ASB14: variants seen among roughly 807,000 people sequenced by gnomAD.
ASB14 encodes ankyrin repeat and SOCS box containing 14.
Under a neutral mutation model 55.6 loss-of-function variants are expected in ASB14, and 63 were observed. The observed-to-expected ratio is 1.13, with a 90% CI of 0.92 to 1.40. ASB14 has a LOEUF of 1.40. ASB14 is among the 40% of genes most tolerant of loss of function. The pLI, the probability that ASB14 is intolerant of heterozygous loss-of-function variation, is 0.00. For synonymous variants in ASB14, 256 were observed against 259.9 expected (o/e 0.98, Z 0.15); for missense variants, 724 against 710.4 (o/e 1.02, Z -0.22).
In ASB14 at chr3:57,285,115, A is replaced by AT. The variant is rs1421715588; in HGVS notation, c.470-1677dup. ...GCCACCAAGCTCTGCTAATTTTTGT[A>AT]TTTTTAGTAGAGACAGGGTTTCACC... On this transcript the variant is annotated intron_variant, in intron 5 of 10. Transcript: ENST00000487349. Among the ~76,000 whole-genome samples the AT allele has an allele frequency of 3.3e-5, 5 of 151,728 alleles. No homozygotes were observed. In the East Asian group the frequency reaches 9.7e-4, roughly 29 times the overall value.
chr3:57,268,457 A>C lies in ASB14; in HGVS notation c.*1184T>G. 1.2e-6 allele frequency: 2 copies of C among 1,605,264 alleles called. No individual in the cohort carries two copies. Among genetic ancestry groups the C allele is most frequent in the Non-Finnish European group, 1.7e-6 (2 of 1,175,652 alleles). Reference sequence around the variant, plus strand: ...AGAGAGTAAAAGAGAAGCAACAGAAAGAACTCAATAAACAAAAACAGATTG... The same window carrying C: ...AGAGAGTAAAAGAGAAGCAACAGAACGAACTCAATAAACAAAAACAGATTG... On this transcript the variant is annotated 3_prime_UTR_variant, in exon 11 of 11. Transcript: ENST00000487349.
chr3:57,271,446 T>C (rs1016027345), intron 10 of ASB14: 5 of 152,700 alleles, frequency 3.3e-5, no homozygotes, highest in African/African-American at 1.2e-4. Context: ...TCAGTTCTTT[T>C]GTTTTGTTAA....
chr3:57,291,148 G>A (rs1197365440), intron 2 of ASB14, among the ~76,000 whole-genome samples: 4 of 152,158 alleles, frequency 2.6e-5, no homozygotes, highest in Non-Finnish European at 4.4e-5. Context: ...TCCATGGTTT[G>A]TTACATTTTA....
At chr3:57,282,893 A>G (rs2061050264) in intron 6 of ASB14, among the ~76,000 whole-genome samples, 1 of 152,148 alleles carries the variant, frequency 6.6e-6, no homozygotes, top group Non-Finnish European at 1.5e-5. Context: ...TGATTTTATG[A>G]TTCTAGAAAA....
In ASB14 at chr3:57,278,556, C is replaced by G; in HGVS notation, c.1252G>C (p.Val418Leu). ...HGANVNYFCR[V>L]NPLHFPSALQ... The stretch of plus-strand genomic sequence containing the variant: ...GCTGATGGGAAATGTAAAGGGTTAA[C>G]TCTGCAGAAGTAATTGACATTGGCC... The change falls in exon 8 of 11, where the codon GTT becomes CTT. Residue 418 changes from valine (V) to leucine (L), a missense_variant. Transcript: ENST00000487349. 3 of 1,614,204 alleles carry G rather than the reference C, an allele frequency of 1.9e-6. No individual in the cohort carries two copies. The highest frequency in any genetic ancestry group is 2.5e-6 in the Non-Finnish European group (3 of 1,180,040).
At chr3:57,290,249 G>A (rs1381073261) in intron 2 of ASB14, among the ~76,000 whole-genome samples, 1 of 152,078 alleles carries the variant, frequency 6.6e-6, no homozygotes, top group Non-Finnish European at 1.5e-5. Context: ...GAGGCTCTTG[G>A]GGAGACTCTA....
chr3:57,282,798 A>C (rs1001723437), intron 6 of ASB14, among the ~76,000 whole-genome samples: 9 of 152,192 alleles, frequency 5.9e-5, no homozygotes, highest in African/African-American at 2.2e-4. Context: ...ATTTCCTAAC[A>C]TCTAAAGCCA....
At chr3:57,272,547 T>G (rs2060949590) in intron 10 of ASB14, 2 of 152,166 alleles carry the variant, frequency 1.3e-5, no homozygotes, top group Admixed American at 1.3e-4. Context: ...CTATTAATGC[T>G]GAGAGATCCT....
chr3:57,289,657 C>T (rs527614092), intron 2 of ASB14, among the ~76,000 whole-genome samples: 26 of 150,242 alleles, frequency 1.7e-4, no homozygotes, highest in Middle Eastern at 3.5e-3. Flanking sequence ...TATTTTAAAA[C>T]CTAGCAAATA....
chr3:57,271,758 C>A (rs944688568), intron 10 of ASB14: 1 of 152,154 alleles, frequency 6.6e-6, no homozygotes. Flanking sequence ...ACCTGTAGTT[C>A]GTTTTAAGTC....
Position 57,269,452 on chromosome 3 carries a change from A to T in ASB14, c.*189T>A. 1.4e-6 allele frequency: 2 copies of T among 1,384,290 alleles called. No homozygotes were observed. Among genetic ancestry groups the T allele is most frequent in the East Asian group, 4.6e-5 (2 of 43,012 alleles). The allele number at this position is 1,384,290 out of a possible 1,614,324, so 85.8% of individuals were successfully genotyped here. On this transcript the variant is annotated 3_prime_UTR_variant, in exon 11 of 11. Coordinates refer to ENST00000487349, the MANE Select transcript of ASB14 (RefSeq NM_001142733.3). ...TATGCATACATATTTATGACAGAAG[A>T]AGTGGCTCTCAAGAATGTATCTTAA...
At chr3:57,280,106 C>G (rs1267540325) in intron 7 of ASB14, among the ~76,000 whole-genome samples, 196 bp downstream of exon 7, 1 of 127,124 alleles carries the variant, frequency 7.9e-6, no homozygotes, top group Non-Finnish European at 1.6e-5. Flanking sequence ...TCATCTGTCA[C>G]TTGGCCAGGG....
intron 7 of ASB14, among the ~76,000 whole-genome samples, 190 bp from the exon 8 acceptor site, chr3:57,279,110 G>A (rs779623603): frequency 4.6e-5 from 7 of 151,354 alleles, no homozygotes; most frequent in East Asian, 1.9e-4. Context: ...TGGAATTACC[G>A]TCTAAGCTAT....
At chr3:57,274,226 G>A (rs535725932) in intron 10 of ASB14, among the ~76,000 whole-genome samples, 1 of 152,178 alleles carries the variant, frequency 6.6e-6, no homozygotes, top group African/African-American at 2.4e-5. Flanking sequence ...AAAGTACCAA[G>A]ACTAAACATG....
intron 10 of ASB14, chr3:57,272,343 A>G (rs2060947860): frequency 6.6e-6 from 1 of 152,168 alleles, no homozygotes; most frequent in South Asian, 2.1e-4. Context: ...TTTTTGCCAC[A>G]TCTGCAATGA....
intron 5 of ASB14, among the ~76,000 whole-genome samples, chr3:57,284,481 T>C (rs762727436): frequency 1.3e-5 from 2 of 152,202 alleles, no homozygotes; most frequent in African/African-American, 2.4e-5. Flanking sequence ...CATTGGTATA[T>C]TGAAGTCTCT....
chr3:57,273,670 TTC>T (rs2060963657), intron 10 of ASB14, among the ~76,000 whole-genome samples: 2 of 152,202 alleles, frequency 1.3e-5, no homozygotes, highest in African/African-American at 4.8e-5. Context: ...GTGACTGTTT[TTC>T]TTTTAGCAAA....
In ASB14 at chr3:57,269,446, CAGA is replaced by C; in HGVS notation, c.*192_*194del. The C allele has an allele frequency of 8.9e-7, 1 of 1,128,040 alleles. No homozygotes were observed. The highest frequency in any genetic ancestry group is 1.2e-6 in the Non-Finnish European group (1 of 813,068). 69.9% of individuals were successfully genotyped at this position (1,128,040 alleles called of 1,614,324 possible). On this transcript the variant is annotated 3_prime_UTR_variant, in exon 11 of 11. Coordinates refer to ENST00000487349, the MANE Select transcript of ASB14 (RefSeq NM_001142733.3). The stretch of plus-strand genomic sequence containing the variant: ...CAGAAGTATGCATACATATTTATGA[CAGA>C]AGAAGTGGCTCTCAAGAATGTATCT...
intron 10 of ASB14, chr3:57,272,258 C>T (rs2060947187): frequency 6.6e-6 from 1 of 152,166 alleles, no homozygotes; most frequent in Admixed American, 6.5e-5. Context: ...TTCCTTCTAC[C>T]TTTAAAAATT....
Sources: allele counts gnomAD v4.1 joint callset (sites outside exome capture counted in the v4.1 genomes callset), GRCh38; gene constraint gnomAD v4.1.1; transcripts MANE v1.5; gene names NCBI Gene and HGNC (gene_info 2026-07-23, HGNC 2026-07-21).